Variants in LHX2 observed in about 807,000 individuals in gnomAD.
LHX2 encodes the protein LIM homeobox 2, also known as LIM/homeobox protein Lhx2.
In LHX2, 6 loss-of-function variants were observed where a neutral mutation model predicts 33.0. The ratio of observed to expected loss-of-function variants is 0.18; its 90% CI spans 0.10 to 0.36. The LOEUF (loss-of-function observed/expected upper bound fraction) is 0.36. LHX2 is among the 10% of genes least tolerant of loss of function. LHX2 has a pLI of 1.00. For missense variants in LHX2, 442 were observed against 586.2 expected (o/e 0.75, Z 2.54); for synonymous variants, 292 against 253.1 (o/e 1.15, Z -1.46).
chr9:124,025,193 C>T (rs1360025574), intron 4 of LHX2, among the ~76,000 whole-genome samples: 1 of 152,184 alleles, frequency 6.6e-6, no homozygotes, highest in African/African-American at 2.4e-5. Flanking sequence ...AATCCCAGCA[C>T]TTTGGGAGGC....
At position 124,015,025 on chromosome 9, in the gene LHX2, G is replaced by A. The variant is rs972800967; in HGVS notation, c.324-97G>A. 2.1e-6 allele frequency: 3 copies of A among 1,420,286 alleles called. No homozygotes were observed. Among genetic ancestry groups the A allele is most frequent in the Admixed American group, 1.9e-5 (1 of 53,510 alleles). The allele number at this position is 1,420,286 out of a possible 1,614,324, so 88.0% of individuals were successfully genotyped here. The stretch of plus-strand genomic sequence containing the variant: ...AAGGCCGGGTTGTTCGTCTTGAGGA[G>A]GGGATTGCCCCCCGCAGCAGCAGCG... On this transcript the variant is annotated intron_variant, in intron 2 of 4. Coordinates refer to ENST00000373615, the MANE Select transcript of LHX2 (RefSeq NM_004789.4). The surrounding 1 kb of genome is among the most constrained non-coding windows in gnomAD (Gnocchi z 7.9).
chr9:124,016,591 C>T lies in LHX2; in HGVS notation c.727+1066C>T, dbSNP rs1165684768. ...CAAGACTGTGCAGAGGGTGCTACGG[C>T]GGGAAGAAGTCAGTTATTTTCATCT... On this transcript the variant is annotated intron_variant, in intron 3 of 4. Transcript: ENST00000373615. This position sits in a 1 kb window ranked among gnomAD's most constrained non-coding sequence, Gnocchi z 4.4. 6.6e-6 allele frequency among the ~76,000 whole-genome samples: 1 copy of T among 151,944 alleles called. No homozygotes were observed. The highest frequency in any genetic ancestry group is 1.5e-5 in the Non-Finnish European group (1 of 68,008).
At chr9:124,028,829 C>T (rs750652373) in intron 4 of LHX2, among the ~76,000 whole-genome samples, 12 of 152,170 alleles carry the variant, frequency 7.9e-5, no homozygotes, top group Non-Finnish European at 1.8e-4. Context: ...ACAGTGAGGG[C>T]AGGCACGGTG....
Position 124,015,160 on chromosome 9 carries a change from G to T in LHX2, c.362G>T (p.Gly121Val). The part of the protein sequence containing the change: ...SVQRCARCHL[G>V]ISASEMVMRA... The stretch of plus-strand genomic sequence containing the variant: ...CAGCGCTGCGCCCGCTGCCACCTGG[G>T]CATCTCGGCCTCGGAGATGGTGATG... Residue 121 changes from glycine to valine, a missense_variant, in exon 3 of 5, where the codon GGC (glycine) becomes GTC (valine). Gly to Val is a moderately radical substitution (Grantham distance 109). Coordinates refer to ENST00000373615, the MANE Select transcript of LHX2 (RefSeq NM_004789.4). This position sits in a 1 kb window ranked among gnomAD's most constrained non-coding sequence, Gnocchi z 7.9. The T allele has an allele frequency of 6.2e-7, 1 of 1,613,910 alleles. No homozygotes were observed. Among genetic ancestry groups the T allele is most frequent in the Middle Eastern group, 1.6e-4 (1 of 6,062 alleles).
intron 4 of LHX2, among the ~76,000 whole-genome samples, chr9:124,030,898 G>A (rs1828696594): frequency 6.6e-6 from 1 of 152,074 alleles, no homozygotes; most frequent in African/African-American, 2.4e-5. Context: ...CTCCCAAAGT[G>A]CTGGGATTAC....
At chr9:124,025,440 C>CAAAA (rs71999375) in intron 4 of LHX2, among the ~76,000 whole-genome samples, 2 of 104,330 alleles carry the variant, frequency 1.9e-5, no homozygotes, top group Admixed American at 8.4e-5. Context: ...GACTCTGTCT[C>CAAAA]AAAAAAAAAA....
rs1859192341 is a variant in LHX2 at position 124,016,450 on chromosome 9, G to A, written c.727+925G>A. ...CGGGCTTCCGAACTAGAGTTTATGT[G>A]CAATTATTTTCTTTCTTTCGTTTGC... is the stretch of plus-strand genomic sequence containing the variant. On this transcript the variant is annotated intron_variant, in intron 3 of 4. Coordinates refer to ENST00000373615, the MANE Select transcript of LHX2 (RefSeq NM_004789.4). This position sits in a 1 kb window ranked among gnomAD's most constrained non-coding sequence, Gnocchi z 4.4. 6.6e-6 allele frequency among the ~76,000 whole-genome samples: 1 copy of A among 152,214 alleles called. No homozygotes were observed. Among genetic ancestry groups the A allele is most frequent in the Admixed American group, 6.5e-5 (1 of 15,286 alleles).
Position 124,015,381 on chromosome 9 carries a change from G to T in LHX2, c.583G>T (p.Ala195Ser). 1 of 1,609,666 alleles carries T rather than the reference G, an allele frequency of 6.2e-7. No individual in the cohort carries two copies. The highest frequency in any genetic ancestry group is 1.7e-4 in the Middle Eastern group (1 of 6,034). The change falls in exon 3 of 5, where the codon GCG becomes TCG. Residue 195 changes from alanine to serine, a missense_variant. This residue lies in a region of LHX2 where 132 missense variants were observed against 139.1 expected (regional missense o/e 0.95). Coordinates refer to ENST00000373615, the MANE Select transcript of LHX2 (RefSeq NM_004789.4). The surrounding 1 kb of genome is among the most constrained non-coding windows in gnomAD (Gnocchi z 7.9). The part of the protein sequence containing the change: ...DVAAAAAAAA[A>S]AKSAGLGAAG... ...GGCAGCGGCGGCCGCTGCAGCCGCG[G>T]CGGCCAAGAGCGCGGGGCTGGGCGC...
rs1188455022 is a variant in LHX2 at position 124,032,792 on chromosome 9, T to C, written c.*85T>C. ...CCAAGTGTATTTTAAAATAGAGGCT[T>C]TGAGCAACTAACTAACCACATTTTA... is the stretch of plus-strand genomic sequence containing the variant. On this transcript the variant is annotated 3_prime_UTR_variant, in exon 5 of 5. Transcript: ENST00000373615. The surrounding 1 kb of genome is among the most constrained non-coding windows in gnomAD (Gnocchi z 4.1). The C allele has an allele frequency of 7.1e-7, 1 of 1,403,092 alleles. No individual in the cohort carries two copies. The highest frequency in any genetic ancestry group is 9.6e-7 in the Non-Finnish European group (1 of 1,038,586). The allele number at this position is 1,403,092 out of a possible 1,614,324, so 86.9% of individuals were successfully genotyped here.
At chr9:124,017,069 CTGCTTTT>C (rs1859204319) in intron 3 of LHX2, among the ~76,000 whole-genome samples, 1 of 152,212 alleles carries the variant, frequency 6.6e-6, no homozygotes, top group South Asian at 2.1e-4. Context: ...AGATTTATTT[CTGCTTTT>C]TGCTGTTCAG....
intron 4 of LHX2, among the ~76,000 whole-genome samples, chr9:124,031,403 G>T (rs957141494): frequency 6.6e-6 from 1 of 150,576 alleles, no homozygotes; most frequent in African/African-American, 2.5e-5. Context: ...TTACCAACAA[G>T]AACTTGTGGG....
chr9:124,017,990 C>T (rs1407651317), intron 3 of LHX2, among the ~76,000 whole-genome samples: 1 of 151,842 alleles, frequency 6.6e-6, no homozygotes, highest in Non-Finnish European at 1.5e-5. Flanking sequence ...GCGCCGCGGC[C>T]GCGGGAGTCC....
At chr9:124,013,841 C>A (rs2118744883) in intron 1 of LHX2, 120 bp from the exon 2 acceptor site, 2 of 860,476 alleles carry the variant, frequency 2.3e-6, no homozygotes, top group East Asian at 2.6e-5. Context: ...GTCCTGGCAG[C>A]CCCCTCCGCG....
chr9:124,018,694 T>G (rs575626205), intron 3 of LHX2, among the ~76,000 whole-genome samples: 1 of 152,304 alleles, frequency 6.6e-6, no homozygotes, highest in Admixed American at 6.5e-5. Flanking sequence ...TTTCTTGCTG[T>G]CTTTGTAGCT....
intron 4 of LHX2, among the ~76,000 whole-genome samples, chr9:124,023,542 T>C (rs1828554306): frequency 6.6e-6 from 1 of 152,184 alleles, no homozygotes; most frequent in Non-Finnish European, 1.5e-5. Flanking sequence ...CTCTGAGCCA[T>C]AGATTTCTCA....
chr9:124,022,698 G>A (rs1859313165), intron 4 of LHX2, among the ~76,000 whole-genome samples: 2 of 152,242 alleles, frequency 1.3e-5, no homozygotes, highest in African/African-American at 4.8e-5. Flanking sequence ...GTTCTTGTGA[G>A]TTTGTCAGAA....
In LHX2 at chr9:124,014,017, G is replaced by A; in HGVS notation, c.177G>A (p.Lys59=). ...CGCTGTGCGCCGGCTGCGGGGGCAA[G>A]ATCTCGGACCGCTACTACCTGCTGG... ...RAALCAGCGG[K]ISDRYYLLAV... Residue 59 remains lysine, a synonymous_variant, in exon 2 of 5, where the codon AAG becomes AAA. Transcript: ENST00000373615. This position sits in a 1 kb window ranked among gnomAD's most constrained non-coding sequence, Gnocchi z 4.8. 3.7e-6 allele frequency: 6 copies of A among 1,613,598 alleles called. No individual in the cohort carries two copies. Among genetic ancestry groups the A allele is most frequent in the Non-Finnish European group, 5.1e-6 (6 of 1,180,040 alleles).
intron 3 of LHX2, among the ~76,000 whole-genome samples, chr9:124,020,062 T>C (rs1239592809): frequency 1.3e-5 from 2 of 152,194 alleles, no homozygotes; most frequent in African/African-American, 2.4e-5. Flanking sequence ...CAAGGAGTAC[T>C]CCAGTGCTAA....
chr9:124,021,323 T>C lies in LHX2; in HGVS notation c.933+19T>C. The stretch of plus-strand genomic sequence containing the variant: ...CCTCCAGGTCAGCCAGGGCCAGGGG[T>C]GAGGGCATCTGCGACCACCAGGGAC... On this transcript the variant is annotated intron_variant, in intron 4 of 4. Transcript: ENST00000373615. 2 of 1,608,332 alleles carry C rather than the reference T, an allele frequency of 1.2e-6. No homozygotes were observed. Among genetic ancestry groups the C allele is most frequent in the Non-Finnish European group, 1.7e-6 (2 of 1,178,046 alleles).
Sources: allele counts gnomAD v4.1 joint callset (sites outside exome capture counted in the v4.1 genomes callset), GRCh38; gene constraint gnomAD v4.1.1; regional missense constraint gnomAD v4.1.1; non-coding constraint Gnocchi (gnomAD v3.1); transcripts MANE v1.5; gene names NCBI Gene and HGNC (gene_info 2026-07-23, HGNC 2026-07-21).